SPAG17: variants seen among roughly 807,000 people sequenced by gnomAD.
SPAG17 encodes the protein sperm-associated antigen 17.
A neutral mutation model predicts 273.6 loss-of-function variants in SPAG17; 169 were observed. The ratio of observed to expected loss-of-function variants is 0.62; its 90% CI spans 0.55 to 0.70. The LOEUF (loss-of-function observed/expected upper bound fraction) is 0.70, where lower values mean the gene tolerates loss of function less well. SPAG17 is among the 30% of genes least tolerant of loss of function. SPAG17 has a pLI of 0.00. For missense variants in SPAG17, 2,557 were observed against 2,627.8 expected (o/e 0.97, Z 0.59); for synonymous variants, 825 against 873.2 (o/e 0.94, Z 0.97).
At chr1:117,983,481 AC>A (rs1356281855) in intron 42 of SPAG17, among the ~76,000 whole-genome samples, 4 of 152,230 alleles carry the variant, frequency 2.6e-5, no homozygotes, top group Non-Finnish European at 4.4e-5. Context: ...TTGTAAAGAT[AC>A]ATTTTCCTCC....
rs1653637274 is a variant in SPAG17, at chr1:117,965,003, C to G, written c.6533-1065G>C. 4 of 152,200 alleles carry G rather than the reference C, an allele frequency of 2.6e-5. No individual in the cohort carries two copies. The South Asian group carries it at 8.3e-4, about 31-fold the overall frequency. 9.4% of individuals were successfully genotyped at this position (152,200 alleles called of 1,614,324 possible). A position where few individuals can be genotyped will look rare whatever the true frequency, so the allele number is the denominator to read the frequency against. Reference sequence around the variant, plus strand: ...TGCTCCACTCTCTTCAGCCTACAAACATGTAGGTCTACATTAAACTGAAAA... The same window carrying G: ...TGCTCCACTCTCTTCAGCCTACAAAGATGTAGGTCTACATTAAACTGAAAA... On this transcript the variant is annotated intron_variant, in intron 47 of 48. Transcript: ENST00000336338.
At chr1:117,998,249 G>T (rs1288772855) in intron 32 of SPAG17, among the ~76,000 whole-genome samples, 1 of 152,200 alleles carries the variant, frequency 6.6e-6, no homozygotes, top group South Asian at 2.1e-4. Context: ...TAAGGAAGGG[G>T]TCTAGTTTCA....
intron 38 of SPAG17, 89 bp from the exon 39 acceptor site, chr1:117,988,293 T>C: frequency 1.1e-6 from 1 of 892,550 alleles, no homozygotes. Context: ...GAGATGCCTG[T>C]TAAGAGCCTA....
At chr1:117,984,580 A>C (rs2101609522) in intron 41 of SPAG17, 103 bp downstream of exon 41, 1 of 731,536 alleles carries the variant, frequency 1.4e-6, no homozygotes, top group Middle Eastern at 3.8e-4. Context: ...CGATGCAGGA[A>C]AGAATTAAAC....
At chr1:118,165,234 G>T (rs918876942) in intron 1 of SPAG17, among the ~76,000 whole-genome samples, 1 of 152,140 alleles carries the variant, frequency 6.6e-6, no homozygotes, top group East Asian at 1.9e-4. Flanking sequence ...GTAAATCTAG[G>T]TTGGGGCCTA....
intron 3 of SPAG17, among the ~76,000 whole-genome samples, chr1:118,148,382 CAA>C (rs1238144361): frequency 6.6e-6 from 1 of 152,166 alleles, no homozygotes; most frequent in Non-Finnish European, 1.5e-5. Context: ...CCACACTCGG[CAA>C]GGGTACACGA....
Position 118,008,037 on chromosome 1 carries a change from G to A in SPAG17, c.4587+7C>T, listed in dbSNP as rs1347736855. ...TTTGGCGCTTCTCATTTTCCTCGTA[G>A]ACCTACCTGGTATGTTCCCTGTGGC... is the stretch of plus-strand genomic sequence containing the variant. On this transcript the variant is annotated splice_region_variant and intron_variant, in intron 31 of 48. Transcript: ENST00000336338. The A allele has an allele frequency of 1.9e-6, 3 of 1,613,672 alleles. No homozygotes were observed.
chr1:117,963,386 C>CA (rs1215448850), intron 48 of SPAG17: 1 of 143,358 alleles, frequency 7.0e-6, no homozygotes, highest in African/African-American at 2.6e-5. Flanking sequence ...TTTTTTGAGA[C>CA]AGAGTCTCGC....
At chr1:118,104,997 G>A (rs1656300859) in intron 4 of SPAG17, among the ~76,000 whole-genome samples, 1 of 152,124 alleles carries the variant, frequency 6.6e-6, no homozygotes, top group Admixed American at 6.6e-5. Flanking sequence ...TGAAGATACG[G>A]GGCTGAGGAG....
intron 1 of SPAG17, among the ~76,000 whole-genome samples, chr1:118,167,895 T>A (rs186588213): frequency 5.3e-5 from 8 of 152,302 alleles, no homozygotes; most frequent in African/African-American, 9.6e-5. Flanking sequence ...GAGTGGGTTC[T>A]CGTGACATGT....
At chr1:118,115,114 A>C (rs1656994794) in intron 4 of SPAG17, among the ~76,000 whole-genome samples, 196 bp downstream of exon 4, 1 of 152,082 alleles carries the variant, frequency 6.6e-6, no homozygotes, top group Non-Finnish European at 1.5e-5. Flanking sequence ...ATTTTACGGA[A>C]CCTATTTTTA....
chr1:118,065,144 A>G (rs1319225221), intron 18 of SPAG17, among the ~76,000 whole-genome samples: 5 of 152,184 alleles, frequency 3.3e-5, no homozygotes, highest in African/African-American at 1.2e-4. Context: ...GAATATAGAC[A>G]CACGTAACAC....
At chr1:118,001,221 G>A (rs1477156889) in intron 32 of SPAG17, among the ~76,000 whole-genome samples, 2 of 152,172 alleles carry the variant, frequency 1.3e-5, no homozygotes, top group Non-Finnish European at 2.9e-5. Flanking sequence ...GATTCAGTTT[G>A]CCAGTATTTT....
chr1:117,972,122 ACCAGAGG>A, intron 44 of SPAG17, 75 bp from the exon 45 acceptor site: 5 of 1,287,744 alleles, frequency 3.9e-6, no homozygotes, highest in Non-Finnish European at 5.3e-6. Flanking sequence ...AGTCCCTGTC[ACCAGAGG>A]AAAATAACTG....
At chr1:118,092,213 T>C (rs1655421059) in intron 8 of SPAG17, among the ~76,000 whole-genome samples, 1 of 152,172 alleles carries the variant, frequency 6.6e-6, no homozygotes, top group Non-Finnish European at 1.5e-5. Context: ...CAGTTTTTCC[T>C]ACCAGAACCC....
chr1:118,045,841 C>T (rs1457563344), intron 20 of SPAG17, among the ~76,000 whole-genome samples: 2 of 152,004 alleles, frequency 1.3e-5, no homozygotes, highest in Non-Finnish European at 2.9e-5. Flanking sequence ...AGTTGGTGTT[C>T]GGAAAGTTGC....
Position 117,966,659 on chromosome 1 carries a change from T to C in SPAG17, c.6482A>G (p.Asn2161Ser), listed in dbSNP as rs1557843246. The C allele has an allele frequency of 1.9e-6, 3 of 1,613,934 alleles. No homozygotes were observed. The highest frequency in any genetic ancestry group is 2.5e-6 in the Non-Finnish European group (3 of 1,179,924). ...GAKGSAHISH[N>S]IEIMTEHEVL... ...CTCATGCTCTGTCATAATCTCGATA[T>C]TGTGAGAGATGTGTGCTGATCCCTT... The change falls in exon 47 of 49, where the codon AAT becomes AGT. Residue 2161 changes from asparagine (N) to serine (S), a missense_variant. By Grantham distance (46) the Asn-to-Ser change is conservative. Coordinates refer to ENST00000336338, the MANE Select transcript of SPAG17 (RefSeq NM_206996.4).
intron 40 of SPAG17, 60 bp downstream of exon 40, chr1:117,987,774 T>C: frequency 6.4e-7 from 1 of 1,571,376 alleles, no homozygotes; most frequent in Non-Finnish European, 8.7e-7. Context: ...GCCTATCCCA[T>C]TCTCAGTCTA....
intron 3 of SPAG17, among the ~76,000 whole-genome samples, chr1:118,128,219 T>C (rs1188169603): frequency 6.6e-6 from 1 of 152,232 alleles, no homozygotes; most frequent in Non-Finnish European, 1.5e-5. Flanking sequence ...TAGTTTGTTA[T>C]TGGTGTATAG....
Sources: gnomAD v4.1 joint callset for allele counts (sites outside exome capture counted in the v4.1 genomes callset) on GRCh38, gnomAD v4.1.1 for gene constraint, MANE v1.5 for transcripts, NCBI Gene and HGNC (gene_info 2026-07-23, HGNC 2026-07-21) for gene names.